AFAP1L1: variants seen among roughly 807,000 people sequenced by gnomAD.
AFAP1L1 encodes the protein actin filament associated protein 1 like 1.
AFAP1L1 carries 77 observed loss-of-function variants against 99.8 expected under a neutral mutation model. The observed-to-expected ratio is 0.77, with a 90% CI of 0.64 to 0.93. AFAP1L1 has a LOEUF of 0.93. Among genes scored for constraint, AFAP1L1 ranks in the 40% least tolerant of loss-of-function variants. The pLI is 0.00. For missense variants in AFAP1L1, 893 were observed against 996.8 expected, an observed-to-expected ratio of 0.90 and a Z score of 1.40; for synonymous variants, 373 against 395.3, an observed-to-expected ratio of 0.94 and a Z score of 0.67.
intron 8 of AFAP1L1, among the ~76,000 whole-genome samples, chr5:149,311,624 C>T (rs1000762318): frequency 3.3e-5 from 5 of 152,144 alleles, no homozygotes; most frequent in African/African-American, 1.2e-4. Flanking sequence ...GGCAAGTGAG[C>T]GGATGCCTTT....
At chr5:149,333,238 A>C (rs1581345381) in intron 17 of AFAP1L1, among the ~76,000 whole-genome samples, 1 of 152,226 alleles carries the variant, frequency 6.6e-6, no homozygotes, top group East Asian at 1.9e-4. Context: ...ATTATCTCAC[A>C]CAATCTTCAT....
chr5:149,312,205 G>A lies in AFAP1L1; in HGVS notation c.1020+1G>A. On this transcript the variant is annotated splice_donor_variant, in intron 9 of 18. Transcript: ENST00000296721. LOFTEE classifies it high-confidence loss of function. ...CCTGTGCAAGTTGGACCTGGACAAG[G>A]TATATCTGTCTCCACTAAGTCTTCC... is the stretch of plus-strand genomic sequence containing the variant. 1 of 1,614,050 alleles carries A rather than the reference G, an allele frequency of 6.2e-7. No individual in the cohort carries two copies. Among genetic ancestry groups the A allele is most frequent in the Non-Finnish European group, 8.5e-7 (1 of 1,179,934 alleles).
At chr5:149,322,466 T>G (rs1756977654) in intron 14 of AFAP1L1, 140 bp from the exon 15 acceptor site, 1 of 559,216 alleles carries the variant, frequency 1.8e-6, no homozygotes, top group African/African-American at 1.9e-5. Flanking sequence ...TTATGATTTT[T>G]GAGTGCTATG....
intron 1 of AFAP1L1, among the ~76,000 whole-genome samples, chr5:149,278,914 T>C (rs1581284416): frequency 1.3e-5 from 2 of 152,230 alleles, no homozygotes; most frequent in East Asian, 3.8e-4. Context: ...AACCCCTCTA[T>C]GAGAGTAACT....
intron 9 of AFAP1L1, 98 bp downstream of exon 9, chr5:149,312,302 C>A: frequency 8.3e-7 from 1 of 1,198,110 alleles, no homozygotes; most frequent in Non-Finnish European, 1.2e-6. Flanking sequence ...GAAAGTCAGG[C>A]AACTGCCAAA....
intron 1 of AFAP1L1, among the ~76,000 whole-genome samples, chr5:149,279,899 G>C (rs1211639038): frequency 6.6e-6 from 1 of 152,196 alleles, no homozygotes; most frequent in Middle Eastern, 3.2e-3. Flanking sequence ...TGTTGTAGAT[G>C]TTCAGAGCAC....
intron 6 of AFAP1L1, 144 bp downstream of exon 6, chr5:149,306,548 TG>T: frequency 1.4e-6 from 1 of 719,666 alleles, no homozygotes; most frequent in African/African-American, 1.8e-5. Context: ...ACCCTTGTTT[TG>T]GGTGACCCCA....
Position 149,317,745 on chromosome 5 carries a change from G to A in AFAP1L1, c.1284G>A (p.Leu428=). Residue 428 remains leucine, a synonymous_variant, in exon 12 of 19, where the codon CTG becomes CTA. Transcript: ENST00000296721. ...CTCCTCCAGGCTACCTGAACGTGCT[G>A]GTGAACCAGGGCTGGAAGGAACGCT... ...EVPCCGYLNV[L]VNQGWKERWC... is the part of the protein sequence containing the mutation. 1 of 1,613,974 alleles carries A rather than the reference G, an allele frequency of 6.2e-7. No individual in the cohort carries two copies. The highest frequency in any genetic ancestry group is 8.5e-7 in the Non-Finnish European group (1 of 1,179,966).
chr5:149,282,603 G>T (rs1399800152), intron 1 of AFAP1L1, among the ~76,000 whole-genome samples: 1 of 152,190 alleles, frequency 6.6e-6, no homozygotes, highest in Non-Finnish European at 1.5e-5. Flanking sequence ...TTGGAACACA[G>T]CCACACCTGT....
At position 149,306,349 on chromosome 5, in the gene AFAP1L1, G is replaced by A. The variant is rs760448524; in HGVS notation, c.480G>A (p.Glu160=). The change falls in exon 6 of 19, where the codon GAG becomes GAA. Residue 160 remains glutamate, a synonymous_variant. Transcript: ENST00000296721. Reference sequence around the variant, plus strand: ...ACTCGATTGTGGATGGCTACTATGAGGACGCAGACAGCAGCTACCCTGCAA... The same window carrying A: ...ACTCGATTGTGGATGGCTACTATGAAGACGCAGACAGCAGCTACCCTGCAA... ...PSHSIVDGYY[E]DADSSYPATR... 6.2e-7 allele frequency: 1 copy of A among 1,613,670 alleles called. No individual in the cohort carries two copies. Among genetic ancestry groups the A allele is most frequent in the Non-Finnish European group, 8.5e-7 (1 of 1,179,834 alleles).
In AFAP1L1 at chr5:149,339,965, A is replaced by G. The variant is rs765442839; in HGVS notation, c.2284-42A>G. On this transcript the variant is annotated intron_variant, in intron 18 of 18. Coordinates refer to ENST00000296721, the MANE Select transcript of AFAP1L1 (RefSeq NM_152406.4). ...AATCTCTTTATCCATGTCACACTAGACCATTCAGCAAATTGATTTGTCTTC... is the reference window on the plus strand; with the variant it reads ...AATCTCTTTATCCATGTCACACTAGGCCATTCAGCAAATTGATTTGTCTTC... 7.4e-6 allele frequency: 12 copies of G among 1,612,406 alleles called. No individual in the cohort carries two copies. The South Asian group carries it at 1.3e-4, about 18-fold the overall frequency.
intron 4 of AFAP1L1, 130 bp from the exon 5 acceptor site, chr5:149,302,288 G>T (rs1049920585): frequency 8.2e-5 from 48 of 583,116 alleles, no homozygotes; most frequent in Non-Finnish European, 1.3e-4. Context: ...CAGCTCTGTG[G>T]CTCTATAAAA....
At chr5:149,316,083 C>T (rs968800625) in intron 10 of AFAP1L1, 68 bp from the exon 11 acceptor site, 2 of 1,590,958 alleles carry the variant, frequency 1.3e-6, no homozygotes, top group African/African-American at 1.3e-5. Context: ...CTGAAAAGGC[C>T]ACAAGGAAGA....
chr5:149,332,803 A>G lies in AFAP1L1; in HGVS notation c.2084A>G (p.Glu695Gly). Residue 695 changes from glutamate (E) to glycine (G), a missense_variant, in exon 17 of 19, where the codon GAG becomes GGG. Physicochemically the swap from Glu to Gly is moderately conservative, Grantham distance 98. Transcript: ENST00000296721. The part of the protein sequence containing the change: ...DLELKLVAVK[E>G]RLQQSLAGGP... ...GAGCTGAAGCTGGTGGCTGTGAAGG[A>G]GCGCTTGCAGCAGTCCCTGGCAGGA... 6.2e-7 allele frequency: 1 copy of G among 1,612,996 alleles called. No individual in the cohort carries two copies. The highest frequency in any genetic ancestry group is 8.5e-7 in the Non-Finnish European group (1 of 1,179,904).
chr5:149,329,446 T>C (rs980893047), intron 15 of AFAP1L1, among the ~76,000 whole-genome samples: 1 of 152,240 alleles, frequency 6.6e-6, no homozygotes, highest in Non-Finnish European at 1.5e-5. Flanking sequence ...AATCTCAGAC[T>C]GTCTGTTCCA....
At chr5:149,314,534 T>C (rs2438491) in intron 9 of AFAP1L1, among the ~76,000 whole-genome samples, 27,302 of 152,200 alleles carry the variant, frequency 0.18, 2,677 homozygotes, top group Middle Eastern at 0.23. Flanking sequence ...AAAGTGCTCA[T>C]ATTACCTCTT....
rs116295464 is a variant in AFAP1L1, at chr5:149,313,308, T to G, written c.1020+1104T>G. On this transcript the variant is annotated intron_variant, in intron 9 of 18. Transcript: ENST00000296721. ...GGAGATTACAGTCAAGGGGAAGGGT[T>G]AAGACCCACAGACATGGGCCTTGCA... is the stretch of plus-strand genomic sequence containing the variant. Among the ~76,000 whole-genome samples the G allele has an allele frequency of 3.3e-3, 508 of 152,292 alleles. 2 individuals are homozygous for G. Among genetic ancestry groups the G allele is most frequent in the African/African-American group, 0.012 (486 of 41,552 alleles).
chr5:149,329,742 G>GGAGAAA lies in AFAP1L1; in HGVS notation c.1898_1903dup (p.Lys633_Glu634dup), dbSNP rs779677886. ...GGTACTTGGTAGAAAAAGAGAAGCTGGAGAAAGAGAAAGAGACGATTCGGA... is the reference window on the plus strand; with the variant it reads ...GGTACTTGGTAGAAAAAGAGAAGCTGGAGAAAGAGAAAGAGAAAGAGACGATTCGGA... On this transcript the variant is annotated inframe_insertion, in exon 16 of 19. Coordinates refer to ENST00000296721, the MANE Select transcript of AFAP1L1 (RefSeq NM_152406.4). The GGAGAAA allele has an allele frequency of 1.2e-6, 2 of 1,614,078 alleles. No homozygotes were observed. The highest frequency in any genetic ancestry group is 2.2e-5 in the South Asian group (2 of 91,066).
At chr5:149,272,173 T>G (rs1755139908) in intron 1 of AFAP1L1, among the ~76,000 whole-genome samples, 189 bp downstream of exon 1, 1 of 152,098 alleles carries the variant, frequency 6.6e-6, no homozygotes, top group Non-Finnish European at 1.5e-5. Flanking sequence ...ACCCGGTGCG[T>G]GTCAACGCCC....
Sources: allele counts gnomAD v4.1 joint callset (sites outside exome capture counted in the v4.1 genomes callset), GRCh38; gene constraint gnomAD v4.1.1; transcripts MANE v1.5; gene names NCBI Gene and HGNC (gene_info 2026-07-23, HGNC 2026-07-21).